The following MUC22 variants were observed in gnomAD, a reference collection of about 807,000 sequenced individuals.
MUC22 encodes the protein mucin-22.
In MUC22, 24 loss-of-function variants were observed where a neutral mutation model predicts 40.3. The observed-to-expected ratio is 0.60, with a 90% CI of 0.43 to 0.84. MUC22 has a LOEUF of 0.84. MUC22 is among the 40% of genes least tolerant of loss of function. The pLI is 0.00. For synonymous variants in MUC22, 765 were observed against 844.5 expected, an observed-to-expected ratio of 0.91 and a Z score of 1.63; for missense variants, 1,926 against 2,130.7, an observed-to-expected ratio of 0.90 and a Z score of 1.89.
chr6:31,008,552 CTT>C (rs10632347), upstream of MUC22, among the ~76,000 whole-genome samples: 7 of 140,024 alleles, frequency 5.0e-5, no homozygotes, highest in Non-Finnish European at 1.5e-5. Flanking sequence ...CTTTTTCTTT[CTT>C]TTTTTTTTTT....
chr6:31,017,126 G>A (rs959694753), intron 1 of MUC22, among the ~76,000 whole-genome samples: 11 of 152,206 alleles, frequency 7.2e-5, no homozygotes, highest in African/African-American at 1.7e-4. Flanking sequence ...CCAGACGAGC[G>A]CTGCCCCTTG....
chr6:31,032,489 A>G lies in MUC22; in HGVS notation c.4963A>G (p.Ser1655Gly). The change falls in exon 3 of 4, where the codon AGT becomes GGT. Residue 1655 changes from serine to glycine, a missense_variant. Around this residue, in one of 3 missense-constraint regions of MUC22, gnomAD observed 610 missense variants for 714.6 expected, o/e 0.85. Coordinates refer to ENST00000561890, the Ensembl canonical transcript of MUC22. The surrounding 1 kb of genome is among the most constrained non-coding windows in gnomAD (Gnocchi z 4.1). ...CACACCCACAAACGTGATCAAACCA[A>G]GTGGATATTTACAGCCCTGGGCTAT... is the stretch of plus-strand genomic sequence containing the variant. The G allele has an allele frequency of 6.5e-7, 1 of 1,535,686 alleles. No homozygotes were observed. Among genetic ancestry groups the G allele is most frequent in the Non-Finnish European group, 8.7e-7 (1 of 1,146,900 alleles).
chr6:31,017,919 G>C (rs898358362), intron 1 of MUC22, among the ~76,000 whole-genome samples: 1 of 152,184 alleles, frequency 6.6e-6, no homozygotes, highest in African/African-American at 2.4e-5. Flanking sequence ...CTCACTCTTT[G>C]AGTCCACACT....
intron 1 of MUC22, among the ~76,000 whole-genome samples, chr6:31,019,263 C>T (rs906318498): frequency 6.6e-6 from 1 of 152,246 alleles, no homozygotes; most frequent in South Asian, 2.1e-4. Context: ...CCTTTCAACA[C>T]TTCCTATTGG....
At chr6:31,018,497 C>A (rs537715380) in intron 1 of MUC22, among the ~76,000 whole-genome samples, 2 of 151,348 alleles carry the variant, frequency 1.3e-5, no homozygotes, top group East Asian at 3.9e-4. Context: ...AGAGTTACCA[C>A]TCATCTGCCT....
At chr6:31,012,369 A>G (rs905762934) in intron 1 of MUC22, among the ~76,000 whole-genome samples, 1 of 152,038 alleles carries the variant, frequency 6.6e-6, no homozygotes, top group African/African-American at 2.4e-5. Flanking sequence ...GAATGCTTCA[A>G]CTGTTCTCTA....
At chr6:31,029,914 A>C in exon 2 of MUC22, 1 of 1,515,646 alleles carries the variant, frequency 6.6e-7, no homozygotes, top group Non-Finnish European at 8.8e-7. Context: ...AGGCTCTGAG[A>C]GCACCATAGC....
Position 31,030,914 on chromosome 6 carries a change from T to C in MUC22, c.4669+814T>C, listed in dbSNP as rs139821531. Among the ~76,000 whole-genome samples the C allele has an allele frequency of 2.1e-3, 319 of 152,302 alleles. 3 individuals carry two copies. Among genetic ancestry groups the C allele is most frequent in the Non-Finnish European group, 3.6e-3 (246 of 68,036 alleles). ...TTTATGGTTTGTCTCCAGCTGCTTT[T>C]CTGCTTTTCCGTGTATTTGCAACAG... On this transcript the variant is annotated intron_variant, in intron 2 of 3. Transcript: ENST00000561890.
chr6:31,027,042 A>G (rs1211254434), exon 2 of MUC22: 3 of 1,501,864 alleles, frequency 2.0e-6, no homozygotes, highest in South Asian at 2.4e-5. Context: ...AGACAACCGC[A>G]GCCTCTACTA....
exon 4 of MUC22, chr6:31,035,211 C>T (rs1766368336): frequency 2.2e-6 from 1 of 454,252 alleles, no homozygotes. Flanking sequence ...GTCAAAGCTT[C>T]TGTGAGTTTT....
At chr6:31,028,514 C>T in exon 2 of MUC22, 1 of 1,533,248 alleles carries the variant, frequency 6.5e-7, no homozygotes, top group Non-Finnish European at 8.7e-7. Flanking sequence ...ACCATGGCAT[C>T]CATCATGGGC....
chr6:31,021,359 A>G, intron 1 of MUC22, among the ~76,000 whole-genome samples: 1 of 151,666 alleles, frequency 6.6e-6, no homozygotes, highest in African/African-American at 2.4e-5. Flanking sequence ...TTGTAAATAC[A>G]CCAATCGGCA....
chr6:31,022,562 AT>A (rs1385846772), intron 1 of MUC22, among the ~76,000 whole-genome samples: 2 of 117,208 alleles, frequency 1.7e-5, no homozygotes, highest in Non-Finnish European at 1.8e-5. Flanking sequence ...TAAAAATAAA[AT>A]TTTTTTCATT....
At chr6:31,018,750 T>C (rs9262495) in intron 1 of MUC22, among the ~76,000 whole-genome samples, 22,108 of 152,328 alleles carry the variant, frequency 0.15, 1,760 homozygotes, top group African/African-American at 0.19. Flanking sequence ...CCAGGCCATA[T>C]CTTACTTGAT....
At chr6:31,027,453 G>A in exon 2 of MUC22, 1 of 1,530,890 alleles carries the variant, frequency 6.5e-7, no homozygotes. Context: ...AAGGCTCTGA[G>A]ATGACTGCAG....
At chr6:31,009,873 C>T (rs1172649835), upstream of MUC22, among the ~76,000 whole-genome samples, 1 of 152,124 alleles carries the variant, frequency 6.6e-6, no homozygotes, top group African/African-American at 2.4e-5. Context: ...TGGGTAGTTC[C>T]GTGCCCCATC....
chr6:31,032,295 GAATAGTCTTA>G lies in MUC22; in HGVS notation c.4772_4781del (p.Ile1591ThrfsTer51), dbSNP rs1345712475. 8.5e-6 allele frequency: 13 copies of G among 1,535,502 alleles called. No individual in the cohort carries two copies. The highest frequency in any genetic ancestry group is 1.0e-5 in the Non-Finnish European group (12 of 1,146,904). ...TCTGCTGCCAGCCATACTGTGCCAG[GAATAGTCTTA>G]AACACCTCTGGCCTGGGTACATCCA... On this transcript the variant is annotated frameshift_variant, in exon 3 of 4. Coordinates refer to ENST00000561890, the Ensembl canonical transcript of MUC22. LOFTEE classifies it high-confidence loss of function. This position sits in a 1 kb window ranked among gnomAD's most constrained non-coding sequence, Gnocchi z 4.1.
At chr6:31,026,696 C>G in exon 2 of MUC22, 1 of 1,504,794 alleles carries the variant, frequency 6.6e-7, no homozygotes, top group Non-Finnish European at 8.9e-7. Flanking sequence ...GCCTCTACCA[C>G]AGGCTCTGAG....
chr6:31,028,215 A>G (rs1368376284), exon 2 of MUC22: 1 of 1,526,730 alleles, frequency 6.5e-7, no homozygotes, highest in Non-Finnish European at 8.7e-7. Context: ...CCACTACAGT[A>G]TCTGCCACAG....
Sources: allele counts gnomAD v4.1 joint callset (sites outside exome capture counted in the v4.1 genomes callset), GRCh38; gene constraint gnomAD v4.1.1; regional missense constraint gnomAD v4.1.1; non-coding constraint Gnocchi (gnomAD v3.1); transcripts MANE v1.5; gene names NCBI Gene and HGNC (gene_info 2026-07-23, HGNC 2026-07-21).